PRKG1: variants seen among roughly 807,000 people sequenced by gnomAD.
PRKG1 encodes protein kinase cGMP-dependent 1.
PRKG1 carries 35 observed loss-of-function variants against 88.1 expected under a neutral mutation model. That is an observed-to-expected ratio of 0.40 (90% CI 0.30 to 0.53). PRKG1 has a LOEUF of 0.53. Ranked by LOEUF, PRKG1 falls within the 20% of genes least tolerant of loss-of-function variation. PRKG1 has a pLI of 0.59. For synonymous variants in PRKG1, 303 were observed against 292.5 expected (o/e 1.04, Z -0.37); for missense variants, 540 against 839.8 (o/e 0.64, Z 4.41).
intron 3 of PRKG1, among the ~76,000 whole-genome samples, chr10:51,609,341 T>C (rs1838844948): frequency 6.6e-6 from 1 of 152,150 alleles, no homozygotes; most frequent in Non-Finnish European, 1.5e-5. Flanking sequence ...AAGTGCTCTA[T>C]ATGGGTGTGT....
chr10:51,080,618 G>A (rs774343914), intron 1 of PRKG1, among the ~76,000 whole-genome samples: 2 of 152,170 alleles, frequency 1.3e-5, no homozygotes, highest in African/African-American at 2.4e-5. Flanking sequence ...CTCAGAGAAC[G>A]CAAGACAATG....
At chr10:51,832,782 G>A (rs1027429867) in intron 4 of PRKG1, among the ~76,000 whole-genome samples, 3 of 151,994 alleles carry the variant, frequency 2.0e-5, no homozygotes, top group Non-Finnish European at 4.4e-5. Context: ...CTCTGAAGGA[G>A]GTGGCAACAC....
At chr10:52,226,194 T>C (rs1840385326) in intron 9 of PRKG1, among the ~76,000 whole-genome samples, 1 of 152,158 alleles carries the variant, frequency 6.6e-6, no homozygotes, top group South Asian at 2.1e-4. Context: ...AATACTGTTT[T>C]GATTACAAAA....
intron 1 of PRKG1, among the ~76,000 whole-genome samples, chr10:51,103,834 A>C (rs753315877): frequency 6.6e-6 from 1 of 152,222 alleles, no homozygotes; most frequent in Non-Finnish European, 1.5e-5. Context: ...CGTCTGGAGT[A>C]AGTACATACA....
At chr10:52,046,796 A>AAT (rs1378358958) in intron 5 of PRKG1, 1 of 152,126 alleles carries the variant, frequency 6.6e-6, no homozygotes, top group African/African-American at 2.4e-5. Context: ...GGCACACATA[A>AAT]ATAATGTTGG....
At chr10:51,499,137 A>T (rs923841175) in intron 3 of PRKG1, among the ~76,000 whole-genome samples, 1 of 152,214 alleles carries the variant, frequency 6.6e-6, no homozygotes, top group Non-Finnish European at 1.5e-5. Flanking sequence ...AAGAGACATA[A>T]CTTAAGAACA....
chr10:51,662,256 C>A (rs1840318226), intron 3 of PRKG1, among the ~76,000 whole-genome samples: 1 of 151,896 alleles, frequency 6.6e-6, no homozygotes, highest in South Asian at 2.1e-4. Context: ...TTATTTAATA[C>A]TAGTTGATCT....
chr10:51,131,573 TC>T (rs1845568662), intron 1 of PRKG1, among the ~76,000 whole-genome samples: 1 of 152,110 alleles, frequency 6.6e-6, no homozygotes, highest in Non-Finnish European at 1.5e-5. Context: ...ATGGTGAAAC[TC>T]CATCTCTATA....
intron 7 of PRKG1, among the ~76,000 whole-genome samples, chr10:52,102,283 C>G (rs886604639): frequency 3.3e-5 from 5 of 152,044 alleles, no homozygotes; most frequent in African/African-American, 1.2e-4. Context: ...TTGCCCCAAA[C>G]ACAACATATT....
chr10:51,884,248 C>A (rs1841507400), intron 4 of PRKG1, among the ~76,000 whole-genome samples: 1 of 150,132 alleles, frequency 6.7e-6, no homozygotes, highest in South Asian at 2.1e-4. Flanking sequence ...AGATCGAGAC[C>A]ATCCTGGCTA....
intron 9 of PRKG1, among the ~76,000 whole-genome samples, chr10:52,169,306 T>A (rs1838591192): frequency 6.6e-6 from 1 of 152,208 alleles, no homozygotes; most frequent in Non-Finnish European, 1.5e-5. Flanking sequence ...TTCTGGAGGC[T>A]GTGAAGTCCA....
intron 4 of PRKG1, among the ~76,000 whole-genome samples, chr10:51,838,539 C>A (rs1840187276): frequency 6.6e-6 from 1 of 152,156 alleles, no homozygotes; most frequent in Non-Finnish European, 1.5e-5. Flanking sequence ...AGGGAGCTTC[C>A]TTTTTTAAGT....
At chr10:51,647,931 C>G (rs1337226895) in intron 3 of PRKG1, among the ~76,000 whole-genome samples, 1 of 151,936 alleles carries the variant, frequency 6.6e-6, no homozygotes, top group African/African-American at 2.4e-5. Flanking sequence ...AAGTCCATGC[C>G]CTATTTTCAA....
chr10:51,209,920 G>T (rs1838166657), intron 2 of PRKG1, among the ~76,000 whole-genome samples: 3 of 152,102 alleles, frequency 2.0e-5, no homozygotes, highest in African/African-American at 7.2e-5. Flanking sequence ...GGACTTAATT[G>T]CTTGAGAGCA....
rs377369542 is a variant in PRKG1 at position 51,999,476 on chromosome 10, G to T, written c.763-55008G>T. Among the ~76,000 whole-genome samples, 261 of 152,182 alleles carry T rather than the reference G, an allele frequency of 1.7e-3. 2 individuals carry two copies. Among genetic ancestry groups the T allele is most frequent in the African/African-American group, 5.6e-3 (232 of 41,534 alleles). The stretch of plus-strand genomic sequence containing the variant: ...CAACACCAGAATCAACGTGAACTTG[G>T]ATTAAATTTAAAATATACTTTCATT... On this transcript the variant is annotated intron_variant, in intron 5 of 17. Transcript: ENST00000373980.
intron 5 of PRKG1, among the ~76,000 whole-genome samples, chr10:51,993,718 A>C (rs1844368180): frequency 1.3e-5 from 2 of 152,192 alleles, no homozygotes; most frequent in Admixed American, 1.3e-4. Flanking sequence ...TTTCATGCAG[A>C]TGTAGAAGGT....
intron 2 of PRKG1, among the ~76,000 whole-genome samples, chr10:51,264,520 A>T (rs7920480): frequency 0.013 from 1,935 of 152,334 alleles, 38 homozygotes; most frequent in African/African-American, 0.043. Context: ...TAGTATTCAC[A>T]TATGTATCAC....
intron 3 of PRKG1, among the ~76,000 whole-genome samples, chr10:51,484,593 T>A (rs1027357155): frequency 6.6e-6 from 1 of 152,062 alleles, no homozygotes; most frequent in Non-Finnish European, 1.5e-5. Flanking sequence ...TTTATTGTCA[T>A]TGAGCATTTT....
chr10:51,059,625 T>C (rs1843672200), intron 1 of PRKG1, among the ~76,000 whole-genome samples: 1 of 152,206 alleles, frequency 6.6e-6, no homozygotes, highest in Non-Finnish European at 1.5e-5. Flanking sequence ...TTAAATACTT[T>C]TTCATAATTA....
Sources: allele counts gnomAD v4.1 joint callset (sites outside exome capture counted in the v4.1 genomes callset), GRCh38; gene constraint gnomAD v4.1.1; transcripts MANE v1.5; gene names NCBI Gene and HGNC (gene_info 2026-07-23, HGNC 2026-07-21).